The following SLC5A2 variants were observed in gnomAD, a reference collection of about 807,000 sequenced individuals.
The protein encoded by SLC5A2 is sodium/glucose cotransporter 2.
Under a neutral mutation model 69.0 loss-of-function variants are expected in SLC5A2, and 67 were observed. The ratio of observed to expected loss-of-function variants is 0.97; its 90% confidence interval spans 0.80 to 1.19. The LOEUF (loss-of-function observed/expected upper bound fraction) is 1.19, where lower values mean the gene tolerates loss of function less well. Among genes scored for constraint, SLC5A2 ranks in the 50% most tolerant of loss-of-function variants. The probability of loss-of-function intolerance (pLI) is 0.00; values close to 1 mark genes in which losing one functional copy is unlikely to be tolerated. For missense variants in SLC5A2, 1,001 were observed against 921.5 expected (o/e 1.09, Z -1.12); for synonymous variants, 455 against 395.8 (o/e 1.15, Z -1.78).
At chr16:31,487,490 A>AG in intron 6 of SLC5A2, 40 bp from the exon 7 acceptor site, 1 of 1,611,676 alleles carries the variant, frequency 6.2e-7, no homozygotes, top group African/African-American at 1.3e-5. Flanking sequence ...CTCCGGTCTG[A>AG]GGGTCCTAAG....
At chr16:31,484,227 T>TACAC (rs537221545) in intron 1 of SLC5A2, among the ~76,000 whole-genome samples, 54 of 139,824 alleles carry the variant, frequency 3.9e-4, no homozygotes, top group Admixed American at 1.7e-3. Flanking sequence ...TCTACTAAAA[T>TACAC]ACACACACAC....
At position 31,488,468 on chromosome 16, in the gene SLC5A2, C is replaced by G; in HGVS notation, c.1107C>G (p.Leu369=). 1 of 1,609,802 alleles carries G rather than the reference C, an allele frequency of 6.2e-7. No individual in the cohort carries two copies. The highest frequency in any genetic ancestry group is 8.5e-7 in the Non-Finnish European group (1 of 1,179,130). The change falls in exon 9 of 14, where the codon CTC becomes CTG. Residue 369 remains leucine, a synonymous_variant. Coordinates refer to ENST00000330498, the MANE Select transcript of SLC5A2 (RefSeq NM_003041.4). ...VGCSNIAYPR[L]VVKLMPNGLR... is the part of the protein sequence containing the mutation. ...GCTCCAACATCGCCTACCCGCGGCT[C>G]GTCGTGAAGCTCATGCCCAACGGTA...
chr16:31,488,913 G>A lies in SLC5A2; in HGVS notation c.1314G>A (p.Val438=). 6.2e-7 allele frequency: 1 copy of A among 1,605,346 alleles called. No homozygotes were observed. The highest frequency in any genetic ancestry group is 1.3e-5 in the African/African-American group (1 of 75,054). Reference sequence around the variant, plus strand: ...TGGTGTTCATCGTGGTAGTGTCGGTGGCCTGGCTTCCCGTGGTGCAGGCGG... The same window carrying A: ...TGGTGTTCATCGTGGTAGTGTCGGTAGCCTGGCTTCCCGTGGTGCAGGCGG... ...LWVVFIVVVS[V]AWLPVVQAAQ... The change falls in exon 11 of 14, where the codon GTG becomes GTA. Residue 438 remains valine (V), a synonymous_variant. Coordinates refer to ENST00000330498, the MANE Select transcript of SLC5A2 (RefSeq NM_003041.4).
chr16:31,488,848 G>C, intron 10 of SLC5A2, 32 bp from the exon 11 acceptor site: 1 of 1,602,686 alleles, frequency 6.2e-7, no homozygotes, highest in South Asian at 1.1e-5. Flanking sequence ...GGAGCCCAGG[G>C]TCCGGGTTCG....
chr16:31,486,225 A>C lies in SLC5A2; in HGVS notation c.524A>C (p.Tyr175Ser), dbSNP rs766632347. The C allele has an allele frequency of 1.6e-5, 26 of 1,613,858 alleles. No individual in the cohort carries two copies. Among genetic ancestry groups the C allele is most frequent in the Admixed American group, 1.0e-4 (6 of 59,998 alleles). Residue 175 changes from tyrosine to serine, a missense_variant, in exon 5 of 14, where the codon TAT (tyrosine) becomes TCT (serine). Coordinates refer to ENST00000330498, the MANE Select transcript of SLC5A2 (RefSeq NM_003041.4). ...FIQQALGWNI[Y>S]ASVIALLGIT... ...CAGCAGGCTCTGGGCTGGAACATCT[A>C]TGCCTCCGTCATCGCGCTTCTGGGC...
chr16:31,489,048 G>C lies in SLC5A2; in HGVS notation c.1449G>C (p.Gln483His), dbSNP rs1187374210. ...TCTTCGTGCCGCGCGTTAATGAGCAGGTGAGCGGCACGCGCGTGGTGACGG... is the reference window on the plus strand; with the variant it reads ...TCTTCGTGCCGCGCGTTAATGAGCACGTGAGCGGCACGCGCGTGGTGACGG... ...LALFVPRVNE[Q>H]GAFWGLIGGL... Residue 483 changes from glutamine (Q) to histidine (H), a missense_variant and splice_region_variant, in exon 11 of 14, where the codon CAG (glutamine) becomes CAC (histidine). Gln to His is a conservative substitution (Grantham distance 24). Transcript: ENST00000330498. 8 of 1,601,274 alleles carry C rather than the reference G, an allele frequency of 5.0e-6. No individual in the cohort carries two copies. The highest frequency in any genetic ancestry group is 6.8e-6 in the Non-Finnish European group (8 of 1,179,892).
chr16:31,484,208 A>G (rs1238984759), intron 1 of SLC5A2, among the ~76,000 whole-genome samples: 2 of 151,596 alleles, frequency 1.3e-5, no homozygotes, highest in Non-Finnish European at 2.9e-5. Context: ...AACATGGTGA[A>G]ACCCTGTCTC....
At chr16:31,487,830 C>T in intron 7 of SLC5A2, 71 bp downstream of exon 7, 2 of 1,484,440 alleles carry the variant, frequency 1.3e-6, no homozygotes, top group Non-Finnish European at 1.8e-6. Flanking sequence ...GAGTCCCTCC[C>T]CGCCTTCCCC....
chr16:31,483,967 G>A (rs2082474861), intron 1 of SLC5A2, among the ~76,000 whole-genome samples: 1 of 152,064 alleles, frequency 6.6e-6, no homozygotes, highest in Non-Finnish European at 1.5e-5. Context: ...GTGTGTGCCT[G>A]TAGTCACAAC....
Position 31,487,355 on chromosome 16 carries a change from C to T in SLC5A2, c.610C>T (p.Gln204Ter), listed in dbSNP as rs2082504083. The part of the protein sequence containing the change: ...LAALMYTDTV[Q>*]TFVILGGACI... ...CGCGCTGATGTACACGGACACGGTACAGACCTTCGTCATTCTGGGGGGCGC... is the reference window on the plus strand; with the variant it reads ...CGCGCTGATGTACACGGACACGGTATAGACCTTCGTCATTCTGGGGGGCGC... The change falls in exon 6 of 14, where the codon CAG (glutamine) becomes TAG (stop). Residue 204 changes from glutamine (Q) to a stop codon, truncating the protein, a stop_gained. Coordinates refer to ENST00000330498, the MANE Select transcript of SLC5A2 (RefSeq NM_003041.4). LOFTEE classifies it high-confidence loss of function. 1 of 1,613,936 alleles carries T rather than the reference C, an allele frequency of 6.2e-7. No individual in the cohort carries two copies. Among genetic ancestry groups the T allele is most frequent in the Non-Finnish European group, 8.5e-7 (1 of 1,180,044 alleles).
At chr16:31,486,058 G>A (rs1284108629) in intron 4 of SLC5A2, 112 bp from the exon 5 acceptor site, 2 of 1,201,182 alleles carry the variant, frequency 1.7e-6, no homozygotes, top group Non-Finnish European at 2.5e-6. Flanking sequence ...CTACAGTGCT[G>A]GGACCTGGAA....
intron 1 of SLC5A2, 58 bp downstream of exon 1, chr16:31,483,320 A>C (rs930865545): frequency 1.4e-4 from 221 of 1,606,272 alleles, no homozygotes; most frequent in Non-Finnish European, 1.9e-4. Flanking sequence ...CTGGGGGAAA[A>C]GTCTCAGGGG....
rs2082541324 is a variant in SLC5A2 at position 31,489,575 on chromosome 16, T to C, written c.1665+237T>C. 6 of 595,880 alleles carry C rather than the reference T, an allele frequency of 1.0e-5. 1 individual carries two copies. The highest frequency in any genetic ancestry group is 5.7e-5 in the Admixed American group (2 of 35,122). The allele number at this position is 595,880 out of a possible 1,614,324, so 36.9% of individuals were successfully genotyped here. A position where few individuals can be genotyped will look rare whatever the true frequency, so the allele number is the denominator to read the frequency against. ...GATTAAAGCCTCCCAAAGCCAATCC[T>C]TGGCATGGCCTTTGGGACTCAAAAC... On this transcript the variant is annotated intron_variant, in intron 12 of 13. Transcript: ENST00000330498.
Position 31,483,150 on chromosome 16 carries a change from C to A in SLC5A2, c.14C>A (p.Thr5Lys). The A allele has an allele frequency of 6.2e-7, 1 of 1,613,984 alleles. No homozygotes were observed. Among genetic ancestry groups the A allele is most frequent in the South Asian group, 1.1e-5 (1 of 91,088 alleles). MEEH[T>K]EAGSAPEMGA... is the part of the protein sequence containing the mutation. ...ATCCTGGGGAGAATGGAGGAGCACA[C>A]AGAGGCAGGCTCGGCACCAGAGATG... Residue 5 changes from threonine (T) to lysine (K), a missense_variant, in exon 1 of 14, where the codon ACA becomes AAA. Physicochemically the swap from Thr to Lys is moderately conservative, Grantham distance 78. Transcript: ENST00000330498.
intron 11 of SLC5A2, 31 bp from the exon 12 acceptor site, chr16:31,489,089 ACAT>A (rs1359709122): frequency 6.2e-7 from 1 of 1,603,958 alleles, no homozygotes; most frequent in Non-Finnish European, 8.5e-7. Flanking sequence ...CTGGGCTTGC[ACAT>A]CCTCAGCAGG....
chr16:31,490,759 T>C lies in SLC5A2; in HGVS notation c.*224T>C, dbSNP rs1412861338. The C allele has an allele frequency of 2.6e-6, 4 of 1,524,466 alleles. No individual in the cohort carries two copies. The highest frequency in any genetic ancestry group is 2.7e-5 in the African/African-American group (2 of 72,762). 94.4% of individuals were successfully genotyped at this position (1,524,466 alleles called of 1,614,324 possible). ...TGCCCTAAGGAAAAATAAAGCTGCC[T>C]TTCCCCTGTCCTGCTGTGGCCAAAG... On this transcript the variant is annotated 3_prime_UTR_variant, in exon 14 of 14. Coordinates refer to ENST00000330498, the MANE Select transcript of SLC5A2 (RefSeq NM_003041.4).
Position 31,488,384 on chromosome 16 carries a change from C to G in SLC5A2, c.1023C>G (p.Asp341Glu), listed in dbSNP as rs765638120. ...PGMISRILYP[D>E]EVACVVPEVC... ...GGCGCGGTGGCCTCTCTCTGGCAGACGAGGTGGCGTGCGTGGTGCCTGAGG... is the reference window on the plus strand; with the variant it reads ...GGCGCGGTGGCCTCTCTCTGGCAGAGGAGGTGGCGTGCGTGGTGCCTGAGG... Residue 341 changes from aspartate to glutamate, a missense_variant and splice_region_variant, in exon 9 of 14, where the codon GAC becomes GAG. Coordinates refer to ENST00000330498, the MANE Select transcript of SLC5A2 (RefSeq NM_003041.4). 7 of 1,611,238 alleles carry G rather than the reference C, an allele frequency of 4.3e-6. No individual in the cohort carries two copies. The South Asian group carries it at 6.6e-5, about 15-fold the overall frequency.
intron 5 of SLC5A2, 47 bp downstream of exon 5, chr16:31,486,322 C>A (rs1481839718): frequency 3.5e-6 from 5 of 1,411,104 alleles, no homozygotes; most frequent in Non-Finnish European, 2.0e-6. Context: ...GACACTGCTG[C>A]CAGCTGTGGC....
rs762102677 is a variant in SLC5A2 at position 31,484,837 on chromosome 16, G to A, written c.217G>A (p.Ala73Thr). The A allele has an allele frequency of 6.8e-6, 11 of 1,613,552 alleles. No individual in the cohort carries two copies. Among genetic ancestry groups the A allele is most frequent in the South Asian group, 5.5e-5 (5 of 91,088 alleles). Residue 73 changes from alanine (A) to threonine (T), a missense_variant, in exon 3 of 14, where the codon GCC (alanine) becomes ACC (threonine). Coordinates refer to ENST00000330498, the MANE Select transcript of SLC5A2 (RefSeq NM_003041.4). ...VWWPVGASLFASNIGSGHFVG... is the reference protein window; with the variant it reads ...VWWPVGASLFTSNIGSGHFVG... ...CACCCAGGTTGGGGCCTCTCTCTTCGCCAGCAACATCGGCAGTGGCCACTT... is the reference window on the plus strand; with the variant it reads ...CACCCAGGTTGGGGCCTCTCTCTTCACCAGCAACATCGGCAGTGGCCACTT...
Sources: allele counts gnomAD v4.1 joint callset (sites outside exome capture counted in the v4.1 genomes callset), GRCh38; gene constraint gnomAD v4.1.1; transcripts MANE v1.5; gene names NCBI Gene and HGNC (gene_info 2026-07-23, HGNC 2026-07-21).